RAD18: variants seen among roughly 807,000 people sequenced by gnomAD.
The protein encoded by RAD18 is E3 ubiquitin-protein ligase RAD18.
Under a neutral mutation model 60.4 loss-of-function variants are expected in RAD18, and 47 were observed. The observed-to-expected ratio is 0.78, with a 90% CI of 0.62 to 0.99. RAD18 has a LOEUF of 0.99. Among genes scored for constraint, RAD18 ranks in the 50% least tolerant of loss-of-function variants. The probability of loss-of-function intolerance (pLI) is 0.00; values close to 1 mark genes in which losing one functional copy is unlikely to be tolerated. For synonymous variants in RAD18, 225 were observed against 195.5 expected (o/e 1.15, Z -1.26); for missense variants, 640 against 593.3 (o/e 1.08, Z -0.82).
intron 6 of RAD18, among the ~76,000 whole-genome samples, chr3:8,936,785 T>C (rs541938807): frequency 3.9e-5 from 6 of 152,212 alleles, no homozygotes; most frequent in Non-Finnish European, 7.3e-5. Context: ...AAAGAGTTTA[T>C]TTAAAACGCA....
chr3:8,928,975 A>G (rs1243708735), intron 7 of RAD18, among the ~76,000 whole-genome samples: 1 of 152,210 alleles, frequency 6.6e-6, no homozygotes, highest in Non-Finnish European at 1.5e-5. Flanking sequence ...ATCTTTAAAA[A>G]TTAAACAATA....
chr3:8,899,072 A>G, intron 10 of RAD18, 25 bp from the exon 11 acceptor site: 2 of 1,538,334 alleles, frequency 1.3e-6, no homozygotes, highest in Non-Finnish European at 1.8e-6. Context: ...ATTTAAGAGT[A>G]CCTTAAAATC....
At position 8,939,658 on chromosome 3, in the gene RAD18, A is replaced by AT; in HGVS notation, c.605-6dup. 6.2e-7 allele frequency: 1 copy of AT among 1,604,002 alleles called. No individual in the cohort carries two copies. Reference sequence around the variant, plus strand: ...CCCCGCAAACAGGACAATCCACTGTATTTTTTAAAAAGAAAAAGAGAGACT... The same window carrying AT: ...CCCCGCAAACAGGACAATCCACTGTATTTTTTTAAAAAGAAAAAGAGAGACT... On this transcript the variant is annotated splice_region_variant and splice_polypyrimidine_tract_variant and intron_variant, in intron 5 of 12. Transcript: ENST00000264926.
intron 7 of RAD18, among the ~76,000 whole-genome samples, chr3:8,928,327 C>T (rs1940485941): frequency 1.3e-5 from 2 of 151,910 alleles, no homozygotes; most frequent in South Asian, 4.1e-4. Flanking sequence ...ATAAACCCAA[C>T]CAAATAGAAT....
At chr3:8,916,315 A>T (rs1940199279) in intron 7 of RAD18, among the ~76,000 whole-genome samples, 1 of 152,184 alleles carries the variant, frequency 6.6e-6, no homozygotes, top group Non-Finnish European at 1.5e-5. Flanking sequence ...AAATCAGAGT[A>T]ACAGAGAACC....
chr3:8,924,537 G>C (rs1940390227), intron 7 of RAD18, among the ~76,000 whole-genome samples: 1 of 140,994 alleles, frequency 7.1e-6, no homozygotes, highest in African/African-American at 2.6e-5. Flanking sequence ...TCCAGGAATT[G>C]AACTCAGCTC....
At chr3:8,930,591 TACTC>T (rs1331204947) in intron 7 of RAD18, among the ~76,000 whole-genome samples, 1 of 152,090 alleles carries the variant, frequency 6.6e-6, no homozygotes, top group Non-Finnish European at 1.5e-5. Flanking sequence ...AACTGATTAA[TACTC>T]AATGTTATAA....
intron 11 of RAD18, among the ~76,000 whole-genome samples, chr3:8,891,076 ATAT>A (rs144436815): frequency 0.18 from 26,600 of 145,884 alleles, 3,358 homozygotes; most frequent in African/African-American, 0.37. Flanking sequence ...TATATATAAA[ATAT>A]ATATATATAT....
In RAD18 at chr3:8,947,257, T is replaced by G. The variant is rs763235734; in HGVS notation, c.229A>C (p.Ile77Leu). Residue 77 changes from isoleucine to leucine, a missense_variant, in exon 4 of 13, where the codon ATA (isoleucine) becomes CTA (leucine). By Grantham distance (5) the Ile-to-Leu change is conservative (BLOSUM62 2). Transcript: ENST00000264926. Reference protein sequence around the residue: ...VTEPDLKNNRILDELVKSLNF... With the variant: ...VTEPDLKNNRLLDELVKSLNF... ...AAGCTTTTTACCAGTTCATCTAATA[T>G]GCGGTTATTTTTCAGATCCGGCTCT... 1.9e-6 allele frequency: 3 copies of G among 1,611,504 alleles called. No homozygotes were observed. The East Asian group carries it at 6.7e-5, about 36-fold the overall frequency.
intron 4 of RAD18, among the ~76,000 whole-genome samples, chr3:8,945,940 T>C (rs1346846638): frequency 5.3e-5 from 8 of 152,202 alleles, no homozygotes; most frequent in African/African-American, 1.7e-4. Flanking sequence ...GTTAAAAAAA[T>C]ATAAAAGTTT....
rs533398758 is a variant in RAD18 at position 8,878,419 on chromosome 3, T to C, written c.*2938A>G. On this transcript the variant is annotated 3_prime_UTR_variant, in exon 13 of 13. Coordinates refer to ENST00000264926, the MANE Select transcript of RAD18 (RefSeq NM_020165.4). The stretch of plus-strand genomic sequence containing the variant: ...GTAATGGTTGTGGTTTTCCCTCTTA[T>C]GTTCATACTTTCATAATATGTACAT... The C allele has an allele frequency of 2.0e-5, 3 of 152,350 alleles. No individual in the cohort carries two copies. In the South Asian group the frequency reaches 6.2e-4, roughly 32 times the overall value. The allele number at this position is 152,350 out of a possible 1,614,324, so 9.4% of individuals were successfully genotyped here.
At chr3:8,923,802 T>G (rs1029180937) in intron 7 of RAD18, among the ~76,000 whole-genome samples, 1 of 152,130 alleles carries the variant, frequency 6.6e-6, no homozygotes, top group Non-Finnish European at 1.5e-5. Flanking sequence ...GAATTTCATA[T>G]CCAGCCAAAC....
intron 12 of RAD18, among the ~76,000 whole-genome samples, chr3:8,887,954 C>A (rs1485760181): frequency 2.6e-5 from 4 of 152,178 alleles, no homozygotes; most frequent in Non-Finnish European, 5.9e-5. Context: ...GGCCCCAACA[C>A]CCTAAAAGGC....
chr3:8,953,212 G>A (rs991288259), intron 2 of RAD18, among the ~76,000 whole-genome samples: 6 of 150,344 alleles, frequency 4.0e-5, no homozygotes, highest in Non-Finnish European at 7.4e-5. Flanking sequence ...ACAATATAGT[G>A]TATACATTAT....
chr3:8,930,651 A>C (rs542160805), intron 7 of RAD18, among the ~76,000 whole-genome samples: 2 of 152,224 alleles, frequency 1.3e-5, no homozygotes, highest in Non-Finnish European at 2.9e-5. Flanking sequence ...CAATAGATGT[A>C]GAATAAGGAA....
At chr3:8,914,368 C>T (rs1441515483) in intron 7 of RAD18, among the ~76,000 whole-genome samples, 2 of 152,120 alleles carry the variant, frequency 1.3e-5, no homozygotes, top group East Asian at 3.9e-4. Flanking sequence ...CTCATTTATA[C>T]TTAAAAATTA....
intron 12 of RAD18, 143 bp from the exon 13 acceptor site, chr3:8,881,602 T>C (rs2125043885): frequency 3.2e-6 from 2 of 633,178 alleles, no homozygotes; most frequent in East Asian, 2.9e-5. Flanking sequence ...ATAATTGTTA[T>C]TATTAGTATT....
intron 7 of RAD18, among the ~76,000 whole-genome samples, chr3:8,922,123 C>G (rs569375617): frequency 6.6e-6 from 1 of 152,184 alleles, no homozygotes; most frequent in Admixed American, 6.5e-5. Context: ...CGGGAGTGAG[C>G]TGAAGCAGGG....
At chr3:8,886,494 A>G (rs1018096906) in intron 12 of RAD18, among the ~76,000 whole-genome samples, 1 of 152,214 alleles carries the variant, frequency 6.6e-6, no homozygotes, top group African/African-American at 2.4e-5. Flanking sequence ...AGAACATAGA[A>G]TCTACTAGTG....
Sources: gnomAD v4.1 joint callset for allele counts (sites outside exome capture counted in the v4.1 genomes callset) on GRCh38, gnomAD v4.1.1 for gene constraint, MANE v1.5 for transcripts, NCBI Gene and HGNC (gene_info 2026-07-23, HGNC 2026-07-21) for gene names.